The following STX1B variants were observed in gnomAD, a reference collection of about 807,000 sequenced individuals.
STX1B encodes the protein syntaxin 1B.
STX1B carries 7 observed loss-of-function variants against 39.4 expected under a neutral mutation model. That is an observed-to-expected ratio of 0.18 (90% CI 0.10 to 0.33). The LOEUF (loss-of-function observed/expected upper bound fraction) is 0.33. Ranked by LOEUF, STX1B falls within the 10% of genes least tolerant of loss-of-function variation. The pLI is 1.00. For missense variants in STX1B, 198 were observed against 383.2 expected (o/e 0.52, Z 4.04); for synonymous variants, 136 against 144.1 (o/e 0.94, Z 0.40).
chr16:31,003,954 A>T (rs1203897046), intron 1 of STX1B, among the ~76,000 whole-genome samples: 8 of 152,208 alleles, frequency 5.3e-5, no homozygotes, highest in Non-Finnish European at 8.8e-5. Flanking sequence ...GCCCAAGGGC[A>T]CCCAGGCCAC....
At chr16:30,995,484 CCTTT>C (rs1287557125) in intron 7 of STX1B, among the ~76,000 whole-genome samples, 9 of 149,444 alleles carry the variant, frequency 6.0e-5, no homozygotes, top group African/African-American at 2.0e-4. Context: ...GAAAGCCCAT[CCTTT>C]CTTTCTTTTT....
chr16:30,997,078 G>T lies in STX1B; in HGVS notation c.355-19C>A. 8.4e-6 allele frequency: 13 copies of T among 1,538,986 alleles called. No individual in the cohort carries two copies. The highest frequency in any genetic ancestry group is 1.2e-5 in the Non-Finnish European group (13 of 1,113,528). Reference sequence around the variant, plus strand: ...TGGAGTGCTACGGTGGGGGTGGGGGGACAGACGGATCAGGGAGGTAGTCAG... The same window carrying T: ...TGGAGTGCTACGGTGGGGGTGGGGGTACAGACGGATCAGGGAGGTAGTCAG... On this transcript the variant is annotated intron_variant, in intron 5 of 9. Transcript: ENST00000215095.
rs545351003 is a variant in STX1B at position 30,990,541 on chromosome 16, T to C, written c.*2280A>G. ...ATGCACACACAATGCACACACAATG[T>C]ACACACACATACAATGCACACACAC... On this transcript the variant is annotated 3_prime_UTR_variant, in exon 10 of 10. Transcript: ENST00000215095. 21 of 152,414 alleles carry C rather than the reference T, an allele frequency of 1.4e-4. No individual in the cohort carries two copies. Among genetic ancestry groups the C allele is most frequent in the African/African-American group, 4.8e-4 (20 of 41,544 alleles). 9.4% of individuals were successfully genotyped at this position (152,414 alleles called of 1,614,324 possible). A position where few individuals can be genotyped will look rare whatever the true frequency, so the allele number is the denominator to read the frequency against.
rs2056568652 is a variant in STX1B at position 30,992,728 on chromosome 16, G to A, written c.*93C>T. On this transcript the variant is annotated 3_prime_UTR_variant, in exon 10 of 10. Transcript: ENST00000215095. ...CTGCCTGGGTCTGTTTTGGGAGTGA[G>A]CCTGGAGCAGGGGATGGAGTGAAAG... The A allele has an allele frequency of 7.9e-6, 6 of 758,026 alleles. No homozygotes were observed. The highest frequency in any genetic ancestry group is 5.3e-5 in the East Asian group (2 of 37,784). 47.0% of individuals were successfully genotyped at this position (758,026 alleles called of 1,614,324 possible).
chr16:30,998,383 CG>C (rs139788446), intron 4 of STX1B, among the ~76,000 whole-genome samples: 2,547 of 152,298 alleles, frequency 0.017, 61 homozygotes, highest in African/African-American at 0.057. Context: ...GGGGGAGGTA[CG>C]GGGCCGGATG....
rs372715787 is a variant in STX1B, at chr16:31,007,468, T to C, written c.30+2899A>G. 6.6e-5 allele frequency among the ~76,000 whole-genome samples: 10 copies of C among 152,274 alleles called. No individual in the cohort carries two copies. In the South Asian group the frequency reaches 2.1e-3, roughly 32 times the overall value. ...CTCTCCACCTCACTCACTCTGCTCT[T>C]TCCTCTGGAGCCCCACTCTGGCTTC... On this transcript the variant is annotated intron_variant, in intron 1 of 9. Transcript: ENST00000215095.
intron 7 of STX1B, among the ~76,000 whole-genome samples, chr16:30,994,185 G>T (rs1184524279): frequency 6.6e-6 from 1 of 151,624 alleles, no homozygotes; most frequent in Non-Finnish European, 1.5e-5. Context: ...TCAGCAACTT[G>T]GGAGTCTGAG....
chr16:30,993,394 C>T lies in STX1B; in HGVS notation c.628G>A (p.Glu210Lys), dbSNP rs2056573886. 3.7e-6 allele frequency: 6 copies of T among 1,614,112 alleles called. No individual in the cohort carries two copies. Among genetic ancestry groups the T allele is most frequent in the South Asian group, 1.1e-5 (1 of 91,082 alleles). ...ATGTCCACAAACATATCGTGCAGCT[C>T]GCGGATGCTGGTCTCCAGCTTGATG... ...EIIKLETSIR[E>K]LHDMFVDMAM... Residue 210 changes from glutamate (E) to lysine (K), a missense_variant, in exon 8 of 10, where the codon GAG becomes AAG. Transcript: ENST00000215095.
chr16:30,995,002 C>A (rs1161532077), intron 7 of STX1B, among the ~76,000 whole-genome samples: 1 of 148,742 alleles, frequency 6.7e-6, no homozygotes, highest in African/African-American at 2.5e-5. Context: ...GCCTTGACCT[C>A]CTGTACTCAG....
At chr16:31,005,470 C>CTTTTT (rs35407745) in intron 1 of STX1B, among the ~76,000 whole-genome samples, 23 of 113,730 alleles carry the variant, frequency 2.0e-4, no homozygotes, top group Non-Finnish European at 3.1e-4. Flanking sequence ...TTTCTTTTTC[C>CTTTTT]TTTTTTTTTT....
chr16:31,000,925 C>T lies in STX1B; in HGVS notation c.280+3G>A, dbSNP rs2056624198. On this transcript the variant is annotated splice_donor_region_variant and intron_variant, in intron 4 of 9. Transcript: ENST00000215095. ...TTCCTGGTTGAGGGATTGTACTCCTCACCTTTCAATTTGGACCGAACCTTG... is the reference window on the plus strand; with the variant it reads ...TTCCTGGTTGAGGGATTGTACTCCTTACCTTTCAATTTGGACCGAACCTTG... 6.2e-7 allele frequency: 1 copy of T among 1,614,164 alleles called. No homozygotes were observed. Among genetic ancestry groups the T allele is most frequent in the Non-Finnish European group, 8.5e-7 (1 of 1,180,000 alleles).
intron 1 of STX1B, among the ~76,000 whole-genome samples, chr16:31,002,205 C>T (rs990404617): frequency 5.3e-5 from 8 of 152,120 alleles, no homozygotes; most frequent in African/African-American, 1.7e-4. Flanking sequence ...CCCTCCCAGC[C>T]GGCTCTCCCT....
At chr16:31,009,559 C>A (rs1462345040) in intron 1 of STX1B, among the ~76,000 whole-genome samples, 1 of 151,996 alleles carries the variant, frequency 6.6e-6, no homozygotes, top group Non-Finnish European at 1.5e-5. Flanking sequence ...CCCCACTCCC[C>A]AGTTCCTCCA....
chr16:31,000,339 T>G (rs1177019498), intron 4 of STX1B, among the ~76,000 whole-genome samples: 1 of 150,726 alleles, frequency 6.6e-6, no homozygotes, highest in African/African-American at 2.4e-5. Flanking sequence ...TTTGTTTTTT[T>G]TTTTTTTGTT....
At chr16:30,998,405 G>C (rs551255470) in intron 4 of STX1B, among the ~76,000 whole-genome samples, 29 of 152,252 alleles carry the variant, frequency 1.9e-4, no homozygotes, top group Non-Finnish European at 3.8e-4. Context: ...GCACCCCAAG[G>C]CTCCCCCGAT....
rs780465943 is a variant in STX1B, at chr16:30,993,329, G to T, written c.675+18C>A. On this transcript the variant is annotated intron_variant, in intron 8 of 9. Transcript: ENST00000215095. ...CCCAGGGAGGCTCCCAGAGTGGCATGGGTGGCAGAGCCAGTACCTGGCTCT... is the reference window on the plus strand; with the variant it reads ...CCCAGGGAGGCTCCCAGAGTGGCATTGGTGGCAGAGCCAGTACCTGGCTCT... 6.2e-7 allele frequency: 1 copy of T among 1,613,720 alleles called. No individual in the cohort carries two copies. Among genetic ancestry groups the T allele is most frequent in the Non-Finnish European group, 8.5e-7 (1 of 1,179,720 alleles).
rs759395603 is a variant in STX1B, at chr16:31,001,485, T to TGCTGGGGCTGGG, written c.105+32_105+43dup. 1.5e-6 allele frequency: 2 copies of TGCTGGGGCTGGG among 1,366,092 alleles called. No homozygotes were observed. The highest frequency in any genetic ancestry group is 1.9e-5 in the Admixed American group (1 of 51,690). The allele number at this position is 1,366,092 out of a possible 1,614,324, so 84.6% of individuals were successfully genotyped here. Reference sequence around the variant, plus strand: ...GGTGGGACTAGGGGCTGGGGCTGGGTGCTGGGGCTGGGGCTGGGGCTGGGG... The same window carrying TGCTGGGGCTGGG: ...GGTGGGACTAGGGGCTGGGGCTGGGTGCTGGGGCTGGGGCTGGGGCTGGGGCTGGGGCTGGGG... On this transcript the variant is annotated intron_variant, in intron 2 of 9. Transcript: ENST00000215095. This position sits in a 1 kb window ranked among gnomAD's most constrained non-coding sequence, Gnocchi z 5.5.
In STX1B at chr16:31,005,070, C is replaced by T. The variant is rs193047396; in HGVS notation, c.31-3467G>A. On this transcript the variant is annotated intron_variant, in intron 1 of 9. Coordinates refer to ENST00000215095, the MANE Select transcript of STX1B (RefSeq NM_052874.5). Reference sequence around the variant, plus strand: ...AGAGCTTGGACAGGAGGCCATCCCTCCCAGCCTCCGTCTGTCTTGCTGTGT... The same window carrying T: ...AGAGCTTGGACAGGAGGCCATCCCTTCCAGCCTCCGTCTGTCTTGCTGTGT... Among the ~76,000 whole-genome samples the T allele has an allele frequency of 1.3e-3, 195 of 152,326 alleles. 1 individual carries two copies. Among genetic ancestry groups the T allele is most frequent in the Non-Finnish European group, 2.1e-3 (145 of 68,020 alleles).
Position 30,991,921 on chromosome 16 carries a change from G to C in STX1B, c.*900C>G, listed in dbSNP as rs1256148050. ...AAAATTAAAAAGCACACCATGTAGA[G>C]AGCCCCTAACACACACACACACGTG... On this transcript the variant is annotated 3_prime_UTR_variant, in exon 10 of 10. Transcript: ENST00000215095. 1.3e-5 allele frequency: 2 copies of C among 152,150 alleles called. No homozygotes were observed. Among genetic ancestry groups the C allele is most frequent in the Non-Finnish European group, 2.9e-5 (2 of 68,072 alleles). The allele number at this position is 152,150 out of a possible 1,614,324, so 9.4% of individuals were successfully genotyped here. A position where few individuals can be genotyped will look rare whatever the true frequency, so the allele number is the denominator to read the frequency against.
Sources: allele counts gnomAD v4.1 joint callset (sites outside exome capture counted in the v4.1 genomes callset), GRCh38; gene constraint gnomAD v4.1.1; non-coding constraint Gnocchi (gnomAD v3.1); transcripts MANE v1.5; gene names NCBI Gene and HGNC (gene_info 2026-07-23, HGNC 2026-07-21).